The following NKAIN2 variants were observed in gnomAD, a reference collection of about 807,000 sequenced individuals.
NKAIN2 encodes sodium/potassium transporting ATPase interacting 2.
In NKAIN2, 14 loss-of-function variants were observed where a neutral mutation model predicts 32.6. The observed-to-expected ratio is 0.43, with a 90% CI of 0.28 to 0.67. NKAIN2 has a LOEUF of 0.67. Ranked by LOEUF, NKAIN2 falls within the 30% of genes least tolerant of loss-of-function variation. The probability of loss-of-function intolerance (pLI) is 0.17; values close to 1 mark genes in which losing one functional copy is unlikely to be tolerated. For synonymous variants in NKAIN2, 80 were observed against 87.2 expected, an observed-to-expected ratio of 0.92 and a Z score of 0.46; for missense variants, 198 against 258.3, an observed-to-expected ratio of 0.77 and a Z score of 1.60.
At chr6:123,946,858 C>G (rs981627079) in intron 1 of NKAIN2, among the ~76,000 whole-genome samples, 3 of 152,174 alleles carry the variant, frequency 2.0e-5, no homozygotes, top group African/African-American at 7.2e-5. Flanking sequence ...GACAGTGGAG[C>G]ATCACCCCAT....
intron 2 of NKAIN2, among the ~76,000 whole-genome samples, chr6:124,351,663 C>A (rs1162258751): frequency 6.6e-6 from 1 of 151,478 alleles, no homozygotes; most frequent in East Asian, 1.9e-4. Context: ...GCGCTGTCAC[C>A]CAGGCTGGAG....
At chr6:124,405,639 C>T (rs1453445878) in intron 3 of NKAIN2, among the ~76,000 whole-genome samples, 7 of 151,618 alleles carry the variant, frequency 4.6e-5, no homozygotes, top group African/African-American at 1.2e-4. Flanking sequence ...CTCTGCCTCC[C>T]GAAGAGCTGG....
At chr6:124,196,186 G>A (rs1790304745) in intron 1 of NKAIN2, among the ~76,000 whole-genome samples, 1 of 151,870 alleles carries the variant, frequency 6.6e-6, no homozygotes, top group South Asian at 2.1e-4. Context: ...AACTATTTAA[G>A]ACAAAGCATT....
At chr6:123,895,926 T>C (rs1281529075) in intron 1 of NKAIN2, among the ~76,000 whole-genome samples, 2 of 152,224 alleles carry the variant, frequency 1.3e-5, no homozygotes, top group Admixed American at 6.5e-5. Flanking sequence ...CACAATTTTT[T>C]TGTGTGTCTG....
intron 2 of NKAIN2, among the ~76,000 whole-genome samples, chr6:124,290,214 T>A (rs1795737762): frequency 6.6e-6 from 1 of 152,140 alleles, no homozygotes; most frequent in African/African-American, 2.4e-5. Context: ...TGCCCTCATT[T>A]TGGTGTTAGA....
intron 1 of NKAIN2, among the ~76,000 whole-genome samples, chr6:124,101,668 G>A (rs1311294004): frequency 6.6e-6 from 1 of 152,048 alleles, no homozygotes; most frequent in Non-Finnish European, 1.5e-5. Flanking sequence ...CCTAAAGTAT[G>A]TATGAGATGA....
At chr6:124,124,282 T>C (rs146687922) in intron 1 of NKAIN2, among the ~76,000 whole-genome samples, 36 of 152,288 alleles carry the variant, frequency 2.4e-4, no homozygotes, top group African/African-American at 8.4e-4. Flanking sequence ...CATTGTCTTT[T>C]CTTGATTTCC....
At chr6:124,524,821 C>A (rs1779252311) in intron 3 of NKAIN2, among the ~76,000 whole-genome samples, 1 of 152,144 alleles carries the variant, frequency 6.6e-6, no homozygotes, top group Admixed American at 6.5e-5. Context: ...TCACATAAAA[C>A]TGATTACCAT....
At chr6:124,205,011 T>G (rs767596025) in intron 1 of NKAIN2, among the ~76,000 whole-genome samples, 1 of 151,674 alleles carries the variant, frequency 6.6e-6, no homozygotes, top group Non-Finnish European at 1.5e-5. Context: ...TATATCAAAT[T>G]TTAAACTTTA....
At chr6:124,721,360 C>A (rs1180822530) in intron 4 of NKAIN2, among the ~76,000 whole-genome samples, 4 of 148,230 alleles carry the variant, frequency 2.7e-5, no homozygotes, top group African/African-American at 5.0e-5. Context: ...GCGGAGATCG[C>A]GCCACAGCAC....
intron 1 of NKAIN2, among the ~76,000 whole-genome samples, chr6:124,111,732 AC>A (rs1176545140): frequency 6.6e-6 from 1 of 151,732 alleles, no homozygotes; most frequent in African/African-American, 2.4e-5. Flanking sequence ...TTCTTACAGT[AC>A]TTTTGTATGT....
intron 1 of NKAIN2, among the ~76,000 whole-genome samples, chr6:123,859,739 G>C (rs759527417): frequency 2.0e-5 from 3 of 152,166 alleles, no homozygotes; most frequent in Non-Finnish European, 2.9e-5. Flanking sequence ...CACCCAGGCT[G>C]TAGTGCAGTG....
At chr6:123,973,611 C>A (rs1283686369) in intron 1 of NKAIN2, among the ~76,000 whole-genome samples, 5 of 152,004 alleles carry the variant, frequency 3.3e-5, no homozygotes, top group Non-Finnish European at 7.4e-5. Flanking sequence ...TCCTGCTATT[C>A]AAAACTCCAA....
intron 1 of NKAIN2, among the ~76,000 whole-genome samples, chr6:124,252,447 A>G (rs527649842): frequency 1.8e-4 from 27 of 152,218 alleles, no homozygotes; most frequent in African/African-American, 6.3e-4. Flanking sequence ...TCCTTACCTG[A>G]AGGAGGAAGA....
chr6:124,389,891 A>G (rs1773071246), intron 3 of NKAIN2, among the ~76,000 whole-genome samples: 1 of 152,092 alleles, frequency 6.6e-6, no homozygotes. Context: ...TTTTGACCCC[A>G]GAGTAGAAAA....
intron 3 of NKAIN2, among the ~76,000 whole-genome samples, chr6:124,418,368 A>G (rs1224499705): frequency 1.3e-5 from 2 of 151,876 alleles, no homozygotes; most frequent in African/African-American, 4.8e-5. Flanking sequence ...GTCTTCCAAG[A>G]TGATTTTCAG....
intron 3 of NKAIN2, among the ~76,000 whole-genome samples, chr6:124,622,791 C>G (rs1476236617): frequency 6.6e-6 from 1 of 152,144 alleles, no homozygotes; most frequent in Non-Finnish European, 1.5e-5. Context: ...ATTCTATCAG[C>G]ATTCAGATGT....
intron 3 of NKAIN2, among the ~76,000 whole-genome samples, chr6:124,358,587 T>C (rs1799106505): frequency 1.3e-5 from 2 of 152,336 alleles, no homozygotes; most frequent in Admixed American, 6.5e-5. Flanking sequence ...TTGAGAAGTG[T>C]CTGTTTATAT....
chr6:124,344,069 C>A (rs1798279464), intron 2 of NKAIN2, among the ~76,000 whole-genome samples: 2 of 152,106 alleles, frequency 1.3e-5, no homozygotes, highest in Non-Finnish European at 1.5e-5. Flanking sequence ...GTTTTCCCAG[C>A]ACCATTTATT....
Sources: allele counts gnomAD v4.1 joint callset (sites outside exome capture counted in the v4.1 genomes callset), GRCh38; gene constraint gnomAD v4.1.1; transcripts MANE v1.5; gene names NCBI Gene and HGNC (gene_info 2026-07-23, HGNC 2026-07-21).